Variants in RBM44 observed in about 807,000 individuals in gnomAD.
The protein encoded by RBM44 is RNA binding motif protein 44, also known as RNA-binding protein 44.
RBM44 carries 66 observed loss-of-function variants against 105.1 expected under a neutral mutation model. That is an observed-to-expected ratio of 0.63 (90% CI 0.52 to 0.77). The LOEUF is 0.77. RBM44 is among the 30% of genes least tolerant of loss of function. The pLI, the probability that RBM44 is intolerant of heterozygous loss-of-function variation, is 0.00. For synonymous variants in RBM44, 365 were observed against 417.6 expected (o/e 0.87, Z 1.54); for missense variants, 1,122 against 1,207.8 (o/e 0.93, Z 1.05).
Position 237,834,418 on chromosome 2 carries a change from A to G in RBM44, c.*17A>G, listed in dbSNP as rs1229086579. On this transcript the variant is annotated 3_prime_UTR_variant, in exon 15 of 16. Coordinates refer to ENST00000316997, the MANE Select transcript of RBM44 (RefSeq NM_001080504.3). ...TCCAGTTAGGAATTCAAAAAACAAT[A>G]AAGAGGTAAAGTAATCATATTCTTT... 2 of 1,449,624 alleles carry G rather than the reference A, an allele frequency of 1.4e-6. No homozygotes were observed. The highest frequency in any genetic ancestry group is 1.8e-6 in the Non-Finnish European group (2 of 1,081,362). The allele number at this position is 1,449,624 out of a possible 1,614,324, so 89.8% of individuals were successfully genotyped here. A position where few individuals can be genotyped will look rare whatever the true frequency, so the allele number is the denominator to read the frequency against.
intron 2 of RBM44, 70 bp from the exon 3 acceptor site, chr2:237,816,923 T>C: frequency 1.1e-6 from 1 of 939,774 alleles, no homozygotes; most frequent in East Asian, 2.7e-5. Flanking sequence ...AACCAGATCA[T>C]GTCTAAGGTT....
chr2:237,822,194 C>T (rs1182988582), intron 8 of RBM44, among the ~76,000 whole-genome samples: 2 of 152,018 alleles, frequency 1.3e-5, no homozygotes, highest in Admixed American at 6.6e-5. Flanking sequence ...ACACTTTGTA[C>T]GTTCATCTCA....
chr2:237,825,455 C>G (rs2061838468), intron 10 of RBM44, among the ~76,000 whole-genome samples: 2 of 152,198 alleles, frequency 1.3e-5, no homozygotes, highest in South Asian at 4.1e-4. Flanking sequence ...ATCCACCCAC[C>G]TCAGCCTCCT....
intron 2 of RBM44, 34 bp downstream of exon 2, chr2:237,813,716 T>A: frequency 7.4e-7 from 1 of 1,359,324 alleles, no homozygotes; most frequent in South Asian, 1.2e-5. Flanking sequence ...TTATTCTTGG[T>A]GGGGAAGGGT....
intron 13 of RBM44, among the ~76,000 whole-genome samples, chr2:237,832,835 A>G (rs2061916693): frequency 6.6e-6 from 1 of 152,232 alleles, no homozygotes; most frequent in Non-Finnish European, 1.5e-5. Context: ...CTTACTCACC[A>G]TGTGACTCTG....
chr2:237,818,085 T>C lies in RBM44; in HGVS notation c.1166T>C (p.Ile389Thr), dbSNP rs371283743. ...TSWTSVFDDSIISACGYYESL... is the reference protein window; with the variant it reads ...TSWTSVFDDSTISACGYYESL... ...TGGACCTCTGTTTTTGATGATTCGA[T>C]AATTTCTGCCTGTGGATATTATGAA... The change falls in exon 3 of 16, where the codon ATA becomes ACA. Residue 389 changes from isoleucine (I) to threonine (T), a missense_variant. Ile to Thr is a moderately conservative substitution (Grantham distance 89, BLOSUM62 -1). Transcript: ENST00000316997. This position sits in a 1 kb window ranked among gnomAD's most constrained non-coding sequence, Gnocchi z 4.6. The C allele has an allele frequency of 1.9e-6, 3 of 1,612,746 alleles. No homozygotes were observed. In the Admixed American group the frequency reaches 5.0e-5, roughly 27 times the overall value.
At chr2:237,833,702 C>T (rs188045687) in intron 13 of RBM44, among the ~76,000 whole-genome samples, 20 of 152,206 alleles carry the variant, frequency 1.3e-4, no homozygotes, top group African/African-American at 4.6e-4. Context: ...GTAGTTACAT[C>T]ATTTTCTGTG....
intron 8 of RBM44, 31 bp downstream of exon 8, chr2:237,821,858 A>G (rs933045700): frequency 4.3e-6 from 6 of 1,390,110 alleles, no homozygotes; most frequent in African/African-American, 4.3e-5. Context: ...ATCAATGCAA[A>G]TCTTTAAGTG....
chr2:237,826,493 G>A (rs57527777), intron 10 of RBM44, among the ~76,000 whole-genome samples: 7,079 of 151,992 alleles, frequency 0.047, 523 homozygotes, highest in African/African-American at 0.16. Flanking sequence ...TGCCCTTACC[G>A]TTATTGCAAG....
chr2:237,809,286 C>T (rs1360301103), intron 1 of RBM44, among the ~76,000 whole-genome samples: 1 of 152,064 alleles, frequency 6.6e-6, no homozygotes, highest in Non-Finnish European at 1.5e-5. Context: ...TCTATTACCT[C>T]TTTGTTTGCA....
rs759655472 is a variant in RBM44 at position 237,820,253 on chromosome 2, A to G, written c.1815A>G (p.Lys605=). ...CCQKIMQRAI[K]AELHLLNVHY... is the part of the protein sequence containing the mutation. ...AGAAGATAATGCAGAGAGCCATAAA[A>G]GCAGAGCTGCACCTTTTAAATGTTC... The change falls in exon 5 of 16, where the codon AAA becomes AAG. Residue 605 remains lysine (K), a synonymous_variant. Transcript: ENST00000316997. The G allele has an allele frequency of 1.9e-6, 3 of 1,597,766 alleles. No homozygotes were observed. Among genetic ancestry groups the G allele is most frequent in the Non-Finnish European group, 8.5e-7 (1 of 1,170,272 alleles).
At chr2:237,833,882 A>C in intron 13 of RBM44, 115 bp from the exon 14 acceptor site, 1 of 549,794 alleles carries the variant, frequency 1.8e-6, no homozygotes, top group Non-Finnish European at 2.8e-6. Context: ...TAAATTTTTA[A>C]GGAATTTTTA....
At chr2:237,819,695 A>G (rs539977918) in intron 4 of RBM44, among the ~76,000 whole-genome samples, 1 of 152,188 alleles carries the variant, frequency 6.6e-6, no homozygotes, top group Non-Finnish European at 1.5e-5. Context: ...ATATTTGCTT[A>G]TATTAATGAT....
In RBM44 at chr2:237,820,278, C is replaced by G; in HGVS notation, c.1840C>G (p.His614Asp). The stretch of plus-strand genomic sequence containing the variant: ...AGCAGAGCTGCACCTTTTAAATGTT[C>G]ACTATCAGATGTGTCGTCGCCATTG... ...IKAELHLLNV[H>D]YQMCRRHCCD... The change falls in exon 5 of 16, where the codon CAC becomes GAC. Residue 614 changes from histidine (H) to aspartate (D), a missense_variant. Physicochemically the swap from His to Asp is moderately conservative, Grantham distance 81 (BLOSUM62 -1). This residue lies in a region of RBM44 where 918 missense variants were observed against 955.3 expected (regional missense o/e 0.96). Transcript: ENST00000316997. 1 of 1,603,464 alleles carries G rather than the reference C, an allele frequency of 6.2e-7. No individual in the cohort carries two copies. The highest frequency in any genetic ancestry group is 8.5e-7 in the Non-Finnish European group (1 of 1,173,726).
In RBM44 at chr2:237,817,771, A is replaced by G; in HGVS notation, c.852A>G (p.Gln284=). 6.2e-7 allele frequency: 1 copy of G among 1,611,762 alleles called. No individual in the cohort carries two copies. Among genetic ancestry groups the G allele is most frequent in the East Asian group, 2.2e-5 (1 of 44,812 alleles). The change falls in exon 3 of 16, where the codon CAA becomes CAG. Residue 284 remains glutamine (Q), a synonymous_variant. Transcript: ENST00000316997. ...TAAAGCATGAAAAGTATAAGGAACAAGAGACTAATTCAATGTACCACACTG... is the reference window on the plus strand; with the variant it reads ...TAAAGCATGAAAAGTATAAGGAACAGGAGACTAATTCAATGTACCACACTG... ...HDLKHEKYKE[Q]ETNSMYHTVF...
chr2:237,831,916 G>C (rs2061907621), intron 13 of RBM44, among the ~76,000 whole-genome samples: 1 of 152,130 alleles, frequency 6.6e-6, no homozygotes, highest in Non-Finnish European at 1.5e-5. Flanking sequence ...GTGGGGCCCT[G>C]AGCTGGAGGT....
intron 2 of RBM44, among the ~76,000 whole-genome samples, chr2:237,814,903 C>A (rs972378548): frequency 6.6e-6 from 1 of 151,834 alleles, no homozygotes; most frequent in Non-Finnish European, 1.5e-5. Flanking sequence ...CCCACCCCCC[C>A]CTACACACAC....
chr2:237,820,266 CT>C lies in RBM44; in HGVS notation c.1832del (p.Leu611Ter). The C allele has an allele frequency of 1.2e-6, 2 of 1,600,934 alleles. No homozygotes were observed. Among genetic ancestry groups the C allele is most frequent in the Admixed American group, 1.7e-5 (1 of 58,714 alleles). ...GAGAGCCATAAAAGCAGAGCTGCAC[CT>C]TTTAAATGTTCACTATCAGATGTGT... ...MQRAIKAELH[L>X]LNVHYQMCRR... On this transcript the variant is annotated frameshift_variant, in exon 5 of 16. Coordinates refer to ENST00000316997, the MANE Select transcript of RBM44 (RefSeq NM_001080504.3). LOFTEE classifies it high-confidence loss of function.
chr2:237,804,617 C>T (rs1020734682), intron 1 of RBM44, among the ~76,000 whole-genome samples: 1 of 152,114 alleles, frequency 6.6e-6, no homozygotes, highest in Admixed American at 6.5e-5. Flanking sequence ...GTCCTTTGCC[C>T]ATTTTTTAAT....
Sources: gnomAD v4.1 joint callset for allele counts (sites outside exome capture counted in the v4.1 genomes callset) on GRCh38, gnomAD v4.1.1 for gene constraint, gnomAD v4.1.1 regional missense constraint, Gnocchi (gnomAD v3.1) non-coding constraint, MANE v1.5 for transcripts, NCBI Gene and HGNC (gene_info 2026-07-23, HGNC 2026-07-21) for gene names.